OCA2: variants seen among roughly 807,000 people sequenced by gnomAD.
OCA2 encodes the protein P protein.
A neutral mutation model predicts 100.2 loss-of-function variants in OCA2; 77 were observed. The ratio of observed to expected loss-of-function variants is 0.77; its 90% CI spans 0.64 to 0.93. OCA2 has a LOEUF of 0.93. Among genes scored for constraint, OCA2 ranks in the 40% least tolerant of loss-of-function variants. The probability of loss-of-function intolerance (pLI) is 0.00; values close to 1 mark genes in which losing one functional copy is unlikely to be tolerated. For synonymous variants in OCA2, 432 were observed against 439.2 expected (o/e 0.98, Z 0.21); for missense variants, 1,062 against 1,089.1 (o/e 0.98, Z 0.35).
chr15:27,766,442 G>A (rs1327625699), intron 23 of OCA2, among the ~76,000 whole-genome samples: 1 of 152,112 alleles, frequency 6.6e-6, no homozygotes, highest in Non-Finnish European at 1.5e-5. Flanking sequence ...CTCTATGAAG[G>A]ACACTGACAC....
At chr15:28,070,314 G>A (rs1476866896) in intron 2 of OCA2, among the ~76,000 whole-genome samples, 3 of 142,408 alleles carry the variant, frequency 2.1e-5, no homozygotes, top group African/African-American at 5.5e-5. Context: ...GGGAGGTGGG[G>A]GGGGGTCAGC....
At chr15:27,960,735 T>C (rs2040382252) in intron 15 of OCA2, among the ~76,000 whole-genome samples, 1 of 151,996 alleles carries the variant, frequency 6.6e-6, no homozygotes, top group African/African-American at 2.4e-5. Flanking sequence ...AAACTCTGAC[T>C]CTACTAAAAA....
chr15:27,984,918 C>T, intron 13 of OCA2, 146 bp downstream of exon 13: 1 of 923,614 alleles, frequency 1.1e-6, no homozygotes, highest in Non-Finnish European at 1.7e-6. Context: ...CAGACACGAG[C>T]TGGACTGGAA....
At chr15:27,753,504 C>T (rs1052666126), downstream of OCA2, among the ~76,000 whole-genome samples, 2 of 151,936 alleles carry the variant, frequency 1.3e-5, no homozygotes, top group African/African-American at 4.8e-5. Flanking sequence ...GAGGCCGAGT[C>T]GGGTGGATCA....
chr15:28,050,665 C>A (rs982682150), intron 2 of OCA2, among the ~76,000 whole-genome samples: 1 of 151,812 alleles, frequency 6.6e-6, no homozygotes, highest in African/African-American at 2.4e-5. Context: ...AGACATAATA[C>A]GCACCTATTG....
chr15:27,741,045 G>C, the OCA2 span, among the ~76,000 whole-genome samples: 82 of 152,368 alleles, frequency 5.4e-4, no homozygotes, highest in African/African-American at 1.7e-3. Flanking sequence ...AGCAGGGTGA[G>C]TGAGCAGCAA....
intron 23 of OCA2, among the ~76,000 whole-genome samples, chr15:27,803,787 C>A (rs2033710546): frequency 6.6e-6 from 1 of 152,190 alleles, no homozygotes; most frequent in African/African-American, 2.4e-5. Flanking sequence ...ATAGCATTCA[C>A]ACTCACTATA....
At chr15:27,981,340 A>G (rs181394740) in intron 14 of OCA2, among the ~76,000 whole-genome samples, 2 of 152,308 alleles carry the variant, frequency 1.3e-5, no homozygotes, top group African/African-American at 2.4e-5. Context: ...GTCATAGGTT[A>G]TATTTTCTTG....
At chr15:27,962,180 C>T (rs1040841059) in intron 15 of OCA2, among the ~76,000 whole-genome samples, 2 of 152,054 alleles carry the variant, frequency 1.3e-5, no homozygotes, top group African/African-American at 2.4e-5. Context: ...AGTAGTTCCC[C>T]GTGGCCTGTA....
intron 22 of OCA2, among the ~76,000 whole-genome samples, chr15:27,846,906 G>A (rs1418593325): frequency 1.3e-5 from 2 of 152,182 alleles, no homozygotes; most frequent in Admixed American, 1.3e-4. Flanking sequence ...ATGCGGCTGA[G>A]GACAGGCAAG....
Position 28,043,858 on chromosome 15 carries a change from C to T in OCA2, c.228-11695G>A, listed in dbSNP as rs1373436764. ...AACAAACCAGATGGGCTATGCTTTTCAAGGAAGAAAGATAAGATTCTTCAT... is the reference window on the plus strand; with the variant it reads ...AACAAACCAGATGGGCTATGCTTTTTAAGGAAGAAAGATAAGATTCTTCAT... On this transcript the variant is annotated intron_variant, in intron 2 of 23. Coordinates refer to ENST00000354638, the MANE Select transcript of OCA2 (RefSeq NM_000275.3). This position sits in a 1 kb window ranked among gnomAD's most constrained non-coding sequence, Gnocchi z 4.4. Among the ~76,000 whole-genome samples the T allele has an allele frequency of 2.6e-5, 4 of 152,184 alleles. No homozygotes were observed. The highest frequency in any genetic ancestry group is 4.4e-5 in the Non-Finnish European group (3 of 68,034).
intron 9 of OCA2, among the ~76,000 whole-genome samples, chr15:27,995,645 C>A (rs1166960888): frequency 6.6e-6 from 1 of 151,946 alleles, no homozygotes; most frequent in Non-Finnish European, 1.5e-5. Context: ...CTGCCTCAAC[C>A]TCCTAAAGCA....
intron 2 of OCA2, among the ~76,000 whole-genome samples, chr15:28,070,605 G>A (rs1202856039): frequency 2.7e-5 from 4 of 146,908 alleles, no homozygotes; most frequent in Admixed American, 6.7e-5. Flanking sequence ...CTGCCCGGCC[G>A]CCCCTACTGG....
At chr15:27,806,177 C>T (rs2033838917) in intron 23 of OCA2, among the ~76,000 whole-genome samples, 1 of 152,204 alleles carries the variant, frequency 6.6e-6, no homozygotes, top group South Asian at 2.1e-4. Flanking sequence ...GTGGGGAAGA[C>T]CAGCTGGGAG....
intron 21 of OCA2, among the ~76,000 whole-genome samples, chr15:27,851,970 C>A (rs2035769531): frequency 1.3e-5 from 2 of 152,212 alleles, no homozygotes; most frequent in Admixed American, 1.3e-4. Context: ...TGACCCTAAA[C>A]TGCATGCTGG....
At chr15:28,051,537 C>A (rs1248492548) in intron 2 of OCA2, among the ~76,000 whole-genome samples, 2 of 151,596 alleles carry the variant, frequency 1.3e-5, no homozygotes, top group African/African-American at 4.9e-5. Context: ...GGTGATCCGC[C>A]CGCCTCAGCC....
rs1261809445 is a variant in OCA2 at position 27,853,337 on chromosome 15, A to G, written c.2245-1862T>C. Among the ~76,000 whole-genome samples, 378 of 142,926 alleles carry G rather than the reference A, an allele frequency of 2.6e-3. 2 individuals are homozygous for G. Among genetic ancestry groups the G allele is most frequent in the African/African-American group, 9.3e-3 (359 of 38,550 alleles). 93.8% of individuals were successfully genotyped at this position (142,926 alleles called of 152,430 possible). On this transcript the variant is annotated intron_variant, in intron 21 of 23. Coordinates refer to ENST00000354638, the MANE Select transcript of OCA2 (RefSeq NM_000275.3). Reference sequence around the variant, plus strand: ...TTATCGCAAGAACAAAAAACCAAACACCGCATATTCTCACTCATAGGTGGG... The same window carrying G: ...TTATCGCAAGAACAAAAAACCAAACGCCGCATATTCTCACTCATAGGTGGG...
chr15:27,962,855 A>G (rs568409394), intron 15 of OCA2, among the ~76,000 whole-genome samples: 1 of 152,224 alleles, frequency 6.6e-6, no homozygotes, highest in Admixed American at 6.5e-5. Context: ...AGACTATCAG[A>G]GTAGATAAAA....
Position 28,032,123 on chromosome 15 carries a change from T to C in OCA2, c.268A>G (p.Lys90Glu). ...SLPQMSSSRS[K>E]DSCFTENTPL... is the part of the protein sequence containing the mutation. ...GTGTTTTCTGTAAAGCAGGAATCTT[T>C]AGACCTGGAGCTGGACATCTGGGGC... The change falls in exon 3 of 24, where the codon AAA becomes GAA. Residue 90 changes from lysine (K) to glutamate (E), a missense_variant. Lys to Glu is a moderately conservative substitution (Grantham distance 56). Coordinates refer to ENST00000354638, the MANE Select transcript of OCA2 (RefSeq NM_000275.3). The C allele has an allele frequency of 6.2e-7, 1 of 1,614,134 alleles. No homozygotes were observed. Among genetic ancestry groups the C allele is most frequent in the Non-Finnish European group, 8.5e-7 (1 of 1,179,980 alleles).
Sources: gnomAD v4.1 joint callset for allele counts (sites outside exome capture counted in the v4.1 genomes callset) on GRCh38, gnomAD v4.1.1 for gene constraint, Gnocchi (gnomAD v3.1) non-coding constraint, MANE v1.5 for transcripts, NCBI Gene and HGNC (gene_info 2026-07-23, HGNC 2026-07-21) for gene names.